Variants in ZNRF3 observed in about 807,000 individuals in gnomAD.
The protein encoded by ZNRF3 is zinc and ring finger 3, also known as E3 ubiquitin-protein ligase ZNRF3.
A neutral mutation model predicts 72.5 loss-of-function variants in ZNRF3; 23 were observed. The ratio of observed to expected loss-of-function variants is 0.32; its 90% CI spans 0.23 to 0.45. The LOEUF (loss-of-function observed/expected upper bound fraction) is 0.45, where lower values mean the gene tolerates loss of function less well. Among genes scored for constraint, ZNRF3 ranks in the 20% least tolerant of loss-of-function variants. The pLI, the probability that ZNRF3 is intolerant of heterozygous loss-of-function variation, is 1.00. For missense variants in ZNRF3, 1,169 were observed against 1,272.1 expected (o/e 0.92, Z 1.23); for synonymous variants, 610 against 545.3 (o/e 1.12, Z -1.65).
intron 1 of ZNRF3, among the ~76,000 whole-genome samples, chr22:28,943,939 C>G (rs530431351): frequency 6.6e-6 from 1 of 151,510 alleles, no homozygotes; most frequent in South Asian, 2.1e-4. Context: ...TTCTGTTTAG[C>G]TCGGTGGATT....
At chr22:28,957,955 A>G (rs552273858) in intron 1 of ZNRF3, among the ~76,000 whole-genome samples, 1 of 151,926 alleles carries the variant, frequency 6.6e-6, no homozygotes, top group East Asian at 2.0e-4. Context: ...TGGGAGGCCG[A>G]GGCGGGCGGA....
chr22:28,945,637 C>T (rs1348116539), intron 1 of ZNRF3, among the ~76,000 whole-genome samples: 1 of 151,474 alleles, frequency 6.6e-6, no homozygotes, highest in Non-Finnish European at 1.5e-5. Flanking sequence ...TTAAGCGATT[C>T]TTCTGCCTCA....
intron 1 of ZNRF3, among the ~76,000 whole-genome samples, chr22:28,933,620 G>T (rs1307655048): frequency 6.6e-6 from 1 of 152,080 alleles, no homozygotes; most frequent in East Asian, 1.9e-4. Context: ...CCACATCAAA[G>T]GAAGATTCTT....
At chr22:28,992,390 A>G (rs1164516149) in intron 2 of ZNRF3, among the ~76,000 whole-genome samples, 1 of 151,632 alleles carries the variant, frequency 6.6e-6, no homozygotes, top group East Asian at 1.9e-4. Context: ...ACAGCACCTG[A>G]CTCCAGGGCT....
In ZNRF3 at chr22:29,035,134, G is replaced by A. The variant is rs569021060; in HGVS notation, c.427-7361G>A. ...GCTGGGATTACAGGCATGAGCCAAC[G>A]CGCTCAGCCATGTTAGGCTTTATGG... is the stretch of plus-strand genomic sequence containing the variant. On this transcript the variant is annotated intron_variant, in intron 2 of 8. Coordinates refer to ENST00000544604, the MANE Select transcript of ZNRF3 (RefSeq NM_001206998.2). Among the ~76,000 whole-genome samples, 4 of 151,510 alleles carry A rather than the reference G, an allele frequency of 2.6e-5. No homozygotes were observed. The South Asian group carries it at 8.4e-4, about 32-fold the overall frequency.
intron 1 of ZNRF3, among the ~76,000 whole-genome samples, chr22:28,906,551 G>GAT (rs1601543173): frequency 6.6e-6 from 1 of 152,312 alleles, no homozygotes; most frequent in East Asian, 1.9e-4. Context: ...ACATGGGACA[G>GAT]ATAGCTTGTA....
intron 1 of ZNRF3, among the ~76,000 whole-genome samples, chr22:28,961,724 A>G (rs199848290): frequency 5.9e-5 from 9 of 152,224 alleles, no homozygotes; most frequent in East Asian, 5.8e-4. Context: ...TCCAGAGGGG[A>G]AAAAAATGCT....
At chr22:29,032,035 G>T (rs749438491) in intron 2 of ZNRF3, among the ~76,000 whole-genome samples, 4 of 152,198 alleles carry the variant, frequency 2.6e-5, no homozygotes, top group Non-Finnish European at 5.9e-5. Context: ...GAGCCAAGGC[G>T]CCAGAGCTTC....
intron 2 of ZNRF3, among the ~76,000 whole-genome samples, chr22:28,991,382 G>A (rs11912198): frequency 0.053 from 7,933 of 148,862 alleles, 440 homozygotes; most frequent in African/African-American, 0.14. Flanking sequence ...TGGGGAAATT[G>A]AGAAAAAGAT....
chr22:29,051,004 G>A, intron 8 of ZNRF3, 56 bp downstream of exon 8: 1 of 1,485,008 alleles, frequency 6.7e-7, no homozygotes, highest in Non-Finnish European at 8.9e-7. Context: ...GGGTCGTCTT[G>A]TCTTCTGTCT....
At chr22:29,005,946 A>G (rs1457374419) in intron 2 of ZNRF3, among the ~76,000 whole-genome samples, 2 of 151,786 alleles carry the variant, frequency 1.3e-5, no homozygotes, top group East Asian at 2.0e-4. Flanking sequence ...AGGCAGGAGA[A>G]TCGCTTGAAC....
chr22:28,908,903 T>C (rs2034263835), intron 1 of ZNRF3, among the ~76,000 whole-genome samples: 2 of 152,110 alleles, frequency 1.3e-5, no homozygotes, highest in Admixed American at 1.3e-4. Context: ...TGTTTGTTTG[T>C]TTGTTTGTTT....
chr22:29,044,130 AG>A (rs1245593360), intron 4 of ZNRF3, among the ~76,000 whole-genome samples: 1 of 152,218 alleles, frequency 6.6e-6, no homozygotes, highest in Non-Finnish European at 1.5e-5. Context: ...TACACAACAT[AG>A]CCGGTTACAT....
chr22:28,920,080 G>A (rs943979442), intron 1 of ZNRF3, among the ~76,000 whole-genome samples: 18 of 150,084 alleles, frequency 1.2e-4, no homozygotes, highest in African/African-American at 2.2e-4. Context: ...AGCAATTCTC[G>A]TGCCTCAGCC....
intron 1 of ZNRF3, among the ~76,000 whole-genome samples, chr22:28,909,816 C>T (rs934110523): frequency 1.3e-4 from 18 of 142,618 alleles, no homozygotes; most frequent in African/African-American, 4.1e-4. Context: ...TAGTTGCAAA[C>T]TCCTGGGCTC....
At chr22:28,982,878 T>C (rs558006202) in intron 1 of ZNRF3, among the ~76,000 whole-genome samples, 170 of 152,314 alleles carry the variant, frequency 1.1e-3, no homozygotes, top group African/African-American at 3.9e-3. Flanking sequence ...GACAGAGACC[T>C]GAATCGTATA....
At chr22:29,033,350 CAAAAAAAAA>C (rs60310622) in intron 2 of ZNRF3, among the ~76,000 whole-genome samples, 1 of 66,154 alleles carries the variant, frequency 1.5e-5, no homozygotes, top group African/African-American at 6.3e-5. Flanking sequence ...GACTCCATCT[CAAAAAAAAA>C]AAAAAAAAAA....
intron 1 of ZNRF3, among the ~76,000 whole-genome samples, chr22:28,983,424 C>T (rs1031595388): frequency 1.3e-5 from 2 of 152,188 alleles, no homozygotes; most frequent in Non-Finnish European, 1.5e-5. Flanking sequence ...TCTGCTCCTC[C>T]AAGAGAGTAA....
intron 1 of ZNRF3, among the ~76,000 whole-genome samples, chr22:28,952,237 C>A (rs572051079): frequency 8.5e-5 from 13 of 152,170 alleles, no homozygotes; most frequent in African/African-American, 3.1e-4. Flanking sequence ...GTTGTACTTG[C>A]ATTGGAGGTT....
Sources: gnomAD v4.1 joint callset for allele counts (sites outside exome capture counted in the v4.1 genomes callset) on GRCh38, gnomAD v4.1.1 for gene constraint, MANE v1.5 for transcripts, NCBI Gene and HGNC (gene_info 2026-07-23, HGNC 2026-07-21) for gene names.